The following GHRH variants were observed in gnomAD, a reference collection of about 807,000 sequenced individuals.
The protein encoded by GHRH is somatoliberin.
A neutral mutation model predicts 15.6 loss-of-function variants in GHRH; 7 were observed. That is an observed-to-expected ratio of 0.45 (90% CI 0.26 to 0.84). GHRH has a LOEUF of 0.84. Among genes scored for constraint, GHRH ranks in the 40% least tolerant of loss-of-function variants. The pLI, the probability that GHRH is intolerant of heterozygous loss-of-function variation, is 0.18. For missense variants in GHRH, 117 were observed against 138.0 expected, an observed-to-expected ratio of 0.85 and a Z score of 0.76; for synonymous variants, 54 against 50.4, an observed-to-expected ratio of 1.07 and a Z score of -0.30.
At chr20:37,254,086 G>T in intron 4 of GHRH, 124 bp downstream of exon 4, 1 of 979,682 alleles carries the variant, frequency 1.0e-6, no homozygotes, top group Non-Finnish European at 1.6e-6. Context: ...GAGGGTCCTT[G>T]TTCTTGGTTT....
chr20:37,260,891 T>G (rs1181360027), intron 1 of GHRH, among the ~76,000 whole-genome samples: 3 of 152,230 alleles, frequency 2.0e-5, no homozygotes, highest in African/African-American at 7.2e-5. Context: ...CAGATTCACC[T>G]GCAGCTGACA....
chr20:37,252,114 C>T (rs991789882), intron 4 of GHRH, among the ~76,000 whole-genome samples: 1 of 152,206 alleles, frequency 6.6e-6, no homozygotes, highest in Non-Finnish European at 1.5e-5. Context: ...AGGAGGCCTT[C>T]TTCTTAGAGA....
rs2068660413 is a variant in GHRH, at chr20:37,256,894, C to T, written c.-5G>A. The T allele has an allele frequency of 6.2e-7, 1 of 1,605,022 alleles. No individual in the cohort carries two copies. Among genetic ancestry groups the T allele is most frequent in the Non-Finnish European group, 8.5e-7 (1 of 1,175,876 alleles). On this transcript the variant is annotated 5_prime_UTR_variant, in exon 2 of 5. Coordinates refer to ENST00000373614, the MANE Select transcript of GHRH (RefSeq NM_021081.6). ...GAAGAACACCCAGAGTGGCATCCTT[C>T]ACCCGGGGTGGCACCTGCAGAGTGA...
At chr20:37,253,982 C>T (rs2068639043) in intron 4 of GHRH, among the ~76,000 whole-genome samples, 1 of 152,222 alleles carries the variant, frequency 6.6e-6, no homozygotes, top group African/African-American at 2.4e-5. Flanking sequence ...AACTCCCGAC[C>T]TCAGATGATC....
chr20:37,251,107 G>T lies in GHRH; in HGVS notation c.*106C>A. On this transcript the variant is annotated 3_prime_UTR_variant, in exon 5 of 5. Coordinates refer to ENST00000373614, the MANE Select transcript of GHRH (RefSeq NM_021081.6). ...AACATTTAAATGCACACCGGTATGGGGGAATTTTATTGTATTTTCAAAGGA... is the reference window on the plus strand; with the variant it reads ...AACATTTAAATGCACACCGGTATGGTGGAATTTTATTGTATTTTCAAAGGA... 1 of 705,204 alleles carries T rather than the reference G, an allele frequency of 1.4e-6. No homozygotes were observed. The highest frequency in any genetic ancestry group is 2.4e-6 in the Non-Finnish European group (1 of 424,294). 43.7% of individuals were successfully genotyped at this position (705,204 alleles called of 1,614,324 possible). A position where few individuals can be genotyped will look rare whatever the true frequency, so the allele number is the denominator to read the frequency against.
At chr20:37,261,445 C>T (rs1206175735) in intron 1 of GHRH, among the ~76,000 whole-genome samples, 5 of 152,198 alleles carry the variant, frequency 3.3e-5, no homozygotes, top group Admixed American at 6.5e-5. Context: ...CGTTTGCCCC[C>T]GAAGCCTGCC....
chr20:37,259,216 C>T lies in GHRH; in HGVS notation c.-19-2308G>A, dbSNP rs146171400. Among the ~76,000 whole-genome samples, 44 of 152,326 alleles carry T rather than the reference C, an allele frequency of 2.9e-4. No individual in the cohort carries two copies. In the East Asian group the frequency reaches 7.9e-3, roughly 27 times the overall value. ...TAACATCCGCCTGCTGGGCTGGAGC[C>T]TCTGCACCTACAGCCACACGACTGG... On this transcript the variant is annotated intron_variant, in intron 1 of 4. Coordinates refer to ENST00000373614, the MANE Select transcript of GHRH (RefSeq NM_021081.6).
At chr20:37,251,381 G>A (rs1305530777) in intron 4 of GHRH, 150 bp from the exon 5 acceptor site, 17 of 593,646 alleles carry the variant, frequency 2.9e-5, no homozygotes, top group South Asian at 7.3e-5. Context: ...GGAAGGATGC[G>A]CAAGCATGCC....
intron 1 of GHRH, 127 bp from the exon 2 acceptor site, chr20:37,257,035 A>G: frequency 1.5e-6 from 1 of 649,846 alleles, no homozygotes; most frequent in East Asian, 2.9e-5. Flanking sequence ...GTGGGATGGG[A>G]AAAAGAACCC....
At chr20:37,261,270 A>G (rs140144726) in intron 1 of GHRH, among the ~76,000 whole-genome samples, 185 of 152,310 alleles carry the variant, frequency 1.2e-3, no homozygotes, top group South Asian at 4.8e-3. Flanking sequence ...TGGAGTAAAG[A>G]GTGTGGCTGC....
At chr20:37,259,164 C>T (rs138744138) in intron 1 of GHRH, among the ~76,000 whole-genome samples, 5 of 152,310 alleles carry the variant, frequency 3.3e-5, no homozygotes, top group East Asian at 1.9e-4. Context: ...GATGAGAACA[C>T]GGGATCTACC....
chr20:37,255,699 C>G (rs1334480420), intron 3 of GHRH, among the ~76,000 whole-genome samples: 1 of 147,210 alleles, frequency 6.8e-6, no homozygotes, highest in Non-Finnish European at 1.5e-5. Flanking sequence ...GCTATTAACC[C>G]TGTACAATGG....
rs2068641463 is a variant in GHRH at position 37,254,228 on chromosome 20, G to A, written c.290C>T (p.Ala97Val). 1.2e-6 allele frequency: 2 copies of A among 1,614,126 alleles called. No individual in the cohort carries two copies. The highest frequency in any genetic ancestry group is 2.2e-5 in the South Asian group (2 of 91,074). The change falls in exon 4 of 5, where the codon GCC (alanine) becomes GTC (valine). Residue 97 changes from alanine (A) to valine (V), a missense_variant. By Grantham distance (64) the Ala-to-Val change is moderately conservative (BLOSUM62 0). Coordinates refer to ENST00000373614, the MANE Select transcript of GHRH (RefSeq NM_021081.6). ...CCCATACCTGTGCTTCTGCAGCAGG[G>A]CCACCAGGATGCTCTCCAATTCCAT... The part of the protein sequence containing the change: ...KQMELESILV[A>V]LLQKHSRNSQ...
intron 1 of GHRH, among the ~76,000 whole-genome samples, chr20:37,260,201 TC>T (rs1254917966): frequency 6.6e-6 from 1 of 152,026 alleles, no homozygotes; most frequent in Admixed American, 6.6e-5. Context: ...TTGCCACAAA[TC>T]CTGTGCCCCA....
chr20:37,261,443 C>T (rs1365864413), intron 1 of GHRH, among the ~76,000 whole-genome samples: 1 of 152,180 alleles, frequency 6.6e-6, no homozygotes, highest in Non-Finnish European at 1.5e-5. Flanking sequence ...CACGTTTGCC[C>T]CCGAAGCCTG....
intron 1 of GHRH, 145 bp from the exon 2 acceptor site, chr20:37,257,053 G>A (rs1280861917): frequency 7.9e-6 from 5 of 631,486 alleles, no homozygotes; most frequent in Non-Finnish European, 1.4e-5. Flanking sequence ...CCCAGACACT[G>A]GAAGTCAGAC....
At chr20:37,255,547 G>T (rs1021442978) in intron 3 of GHRH, among the ~76,000 whole-genome samples, 8 of 151,156 alleles carry the variant, frequency 5.3e-5, no homozygotes, top group Admixed American at 2.6e-4. Flanking sequence ...TGTAGTCTCA[G>T]CTACTCGGGA....
At chr20:37,252,614 A>G (rs1189552396) in intron 4 of GHRH, among the ~76,000 whole-genome samples, 1 of 147,920 alleles carries the variant, frequency 6.8e-6, no homozygotes, top group Admixed American at 6.8e-5. Flanking sequence ...TAAAAGTACA[A>G]AAAATTAGCC....
At chr20:37,252,346 G>A (rs1049107387) in intron 4 of GHRH, among the ~76,000 whole-genome samples, 1 of 152,200 alleles carries the variant, frequency 6.6e-6, no homozygotes, top group African/African-American at 2.4e-5. Context: ...GGCTGGTGGT[G>A]TCTAATCGGG....
Sources: gnomAD v4.1 joint callset for allele counts (sites outside exome capture counted in the v4.1 genomes callset) on GRCh38, gnomAD v4.1.1 for gene constraint, MANE v1.5 for transcripts, NCBI Gene and HGNC (gene_info 2026-07-23, HGNC 2026-07-21) for gene names.